The following MANBA variants were observed in gnomAD, a reference collection of about 807,000 sequenced individuals.
MANBA encodes the protein beta-mannosidase.
A neutral mutation model predicts 111.1 loss-of-function variants in MANBA; 83 were observed. The ratio of observed to expected loss-of-function variants is 0.75; its 90% CI spans 0.63 to 0.90. MANBA has a LOEUF of 0.90. MANBA is among the 40% of genes least tolerant of loss of function. The pLI is 0.00. For missense variants in MANBA, 1,036 were observed against 1,069.0 expected (o/e 0.97, Z 0.43); for synonymous variants, 370 against 378.7 (o/e 0.98, Z 0.27).
intron 1 of MANBA, chr4:102,729,747 C>T (rs1387638676): frequency 1.5e-5 from 20 of 1,329,800 alleles, no homozygotes; most frequent in Middle Eastern, 2.1e-4. Context: ...GTTGATGTAG[C>T]TCTGGAACAT....
rs973727586 is a variant in MANBA, at chr4:102,630,800, A to G, written c.*1257T>C. On this transcript the variant is annotated 3_prime_UTR_variant, in exon 17 of 17. Transcript: ENST00000647097. ...ATTTATTCTTCAAAACAAACTTACA[A>G]GGTGGGTGTTACCACTCCCATTTAG... is the stretch of plus-strand genomic sequence containing the variant. 6.6e-6 allele frequency: 1 copy of G among 152,200 alleles called. No individual in the cohort carries two copies. The highest frequency in any genetic ancestry group is 1.5e-5 in the Non-Finnish European group (1 of 68,030). The allele number at this position is 152,200 out of a possible 1,614,324, so 9.4% of individuals were successfully genotyped here. A position where few individuals can be genotyped will look rare whatever the true frequency, so the allele number is the denominator to read the frequency against.
At position 102,673,941 on chromosome 4, in the gene MANBA, G is replaced by A; in HGVS notation, c.1090C>T (p.Gln364Ter). 6.2e-7 allele frequency: 1 copy of A among 1,611,378 alleles called. No individual in the cohort carries two copies. The highest frequency in any genetic ancestry group is 8.5e-7 in the Non-Finnish European group (1 of 1,177,572). ...TACAACTCAGAGGTTACTCGGTCCTGGAATGAATCTGCTGGGATCCAGTTT... is the reference window on the plus strand; with the variant it reads ...TACAACTCAGAGGTTACTCGGTCCTAGAATGAATCTGCTGGGATCCAGTTT... ...GSNWIPADSF[Q>*]DRVTSELLRL... The change falls in exon 8 of 17, where the codon CAG becomes TAG. Residue 364 changes from glutamine to a stop codon, truncating the protein, a stop_gained. Transcript: ENST00000647097. LOFTEE classifies it high-confidence loss of function.
At chr4:102,655,250 C>A (rs1730509979) in intron 12 of MANBA, among the ~76,000 whole-genome samples, 1 of 152,024 alleles carries the variant, frequency 6.6e-6, no homozygotes, top group Non-Finnish European at 1.5e-5. Flanking sequence ...ACAAACTGAT[C>A]AACAGATTCA....
rs769079323 is a variant in MANBA at position 102,726,685 on chromosome 4, T to C, written c.178-2A>G. 1.4e-6 allele frequency: 2 copies of C among 1,426,362 alleles called. No homozygotes were observed. Among genetic ancestry groups the C allele is most frequent in the Non-Finnish European group, 2.0e-6 (2 of 1,009,906 alleles). The allele number at this position is 1,426,362 out of a possible 1,614,324, so 88.4% of individuals were successfully genotyped here. A position where few individuals can be genotyped will look rare whatever the true frequency, so the allele number is the denominator to read the frequency against. The stretch of plus-strand genomic sequence containing the variant: ...GTCATTAAATCTGTAGTAAGAATCC[T>C]GTTGATACAAGGTAAAAATTATGGT... On this transcript the variant is annotated splice_acceptor_variant, in intron 1 of 16. Transcript: ENST00000647097. LOFTEE classifies it high-confidence loss of function.
chr4:102,728,601 TG>T (rs999611819), intron 1 of MANBA: 21 of 463,406 alleles, frequency 4.5e-5, no homozygotes, highest in African/African-American at 3.8e-4. Context: ...GGCATAGGCA[TG>T]GGGGGTCCCC....
intron 5 of MANBA, among the ~76,000 whole-genome samples, chr4:102,696,364 G>T (rs1013321682): frequency 6.6e-6 from 1 of 152,042 alleles, no homozygotes; most frequent in Non-Finnish European, 1.5e-5. Flanking sequence ...AGCTGAAAAG[G>T]CACTAAAATA....
Position 102,756,991 on chromosome 4 carries a change from A to G in MANBA, c.177+3727T>C, listed in dbSNP as rs372865842. ...AAATAGGAACTATAGTCTCACTCTC[A>G]ATTTCTTTTTTTATTCCTAATGCCT... On this transcript the variant is annotated intron_variant, in intron 1 of 16. Coordinates refer to ENST00000647097, the MANE Select transcript of MANBA (RefSeq NM_005908.4). 2.6e-5 allele frequency among the ~76,000 whole-genome samples: 4 copies of G among 152,230 alleles called. No homozygotes were observed. In the East Asian group the frequency reaches 5.8e-4, roughly 22 times the overall value.
At chr4:102,640,924 C>A (rs2110194644) in intron 13 of MANBA, among the ~76,000 whole-genome samples, 1 of 152,220 alleles carries the variant, frequency 6.6e-6, no homozygotes, top group Middle Eastern at 3.4e-3. Flanking sequence ...TTAATAAGAA[C>A]CTGCAGGATA....
chr4:102,742,998 C>T (rs998340587), intron 1 of MANBA, among the ~76,000 whole-genome samples: 1 of 152,196 alleles, frequency 6.6e-6, no homozygotes, highest in African/African-American at 2.4e-5. Flanking sequence ...CCATCCCTGC[C>T]ACCATGGCCA....
chr4:102,760,563 C>T (rs1023857702), intron 1 of MANBA, among the ~76,000 whole-genome samples, 155 bp downstream of exon 1: 1 of 152,222 alleles, frequency 6.6e-6, no homozygotes, highest in African/African-American at 2.4e-5. Context: ...ATAGCTTGGG[C>T]ATTTCCCCCC....
intron 1 of MANBA, chr4:102,728,956 C>G: frequency 1.3e-6 from 1 of 786,168 alleles, no homozygotes; most frequent in Non-Finnish European, 2.3e-6. Context: ...TCATGTTCTG[C>G]ATCCCAGAGT....
chr4:102,671,287 T>A lies in MANBA; in HGVS notation c.1224A>T (p.Gly408=). ...DEFYELCDEL[G]IMVWQDFMFA... is the part of the protein sequence containing the mutation. ...AATGCTATCAACTTCTCACCATTAT[T>A]CCTAGTTCATCACAGAGTTCATAGA... is the stretch of plus-strand genomic sequence containing the variant. Residue 408 remains glycine (G), a synonymous_variant, in exon 9 of 17, where the codon GGA becomes GGT. Transcript: ENST00000647097. The A allele has an allele frequency of 6.5e-7, 1 of 1,550,088 alleles. No homozygotes were observed. The highest frequency in any genetic ancestry group is 8.9e-7 in the Non-Finnish European group (1 of 1,121,840).
At chr4:102,756,797 TAAAAAAAAAAAAA>T (rs35787338) in intron 1 of MANBA, among the ~76,000 whole-genome samples, 1 of 72,006 alleles carries the variant, frequency 1.4e-5, no homozygotes, top group African/African-American at 5.5e-5. Context: ...AGAGACTATC[TAAAAAAAAAAAAA>T]AAAAAAAAAA....
rs747803688 is a variant in MANBA, at chr4:102,723,963, A to G, written c.277T>C (p.Trp93Arg). ...EFKIPFEISK[W>R]QKVNLILEGV... ...TCAAGAATCAAATTTACTTTTTGCCATTTGCTAAAAAAAAGAAAAGATTTT... is the reference window on the plus strand; with the variant it reads ...TCAAGAATCAAATTTACTTTTTGCCGTTTGCTAAAAAAAAGAAAAGATTTT... The change falls in exon 3 of 17, where the codon TGG (tryptophan) becomes CGG (arginine). Residue 93 changes from tryptophan to arginine, a missense_variant. Transcript: ENST00000647097. The G allele has an allele frequency of 4.4e-6, 7 of 1,588,614 alleles. No individual in the cohort carries two copies. Among genetic ancestry groups the G allele is most frequent in the Non-Finnish European group, 6.0e-6 (7 of 1,158,476 alleles).
intron 4 of MANBA, 126 bp downstream of exon 4, chr4:102,722,745 C>A: frequency 1.1e-6 from 1 of 938,964 alleles, no homozygotes; most frequent in Middle Eastern, 2.4e-4. Flanking sequence ...TTTTCAAACC[C>A]CACTAAGGGA....
At position 102,722,994 on chromosome 4, in the gene MANBA, C is replaced by A. The variant is rs1349574616; in HGVS notation, c.426G>T (p.Leu142=). 9.3e-6 allele frequency: 15 copies of A among 1,614,056 alleles called. No individual in the cohort carries two copies. Among genetic ancestry groups the A allele is most frequent in the Non-Finnish European group, 1.3e-5 (15 of 1,180,028 alleles). Residue 142 remains leucine, a synonymous_variant, in exon 4 of 17, where the codon CTG becomes CTT. Coordinates refer to ENST00000647097, the MANE Select transcript of MANBA (RefSeq NM_005908.4). ...NVVRDVNSIE[L]RFQSAVLYAA... is the part of the protein sequence containing the mutation. ...CATACAACACCGCTGACTGGAAACG[C>A]AGCTCAATGGAGTTCACGTCCCTGA...
intron 4 of MANBA, among the ~76,000 whole-genome samples, chr4:102,719,537 A>C (rs1295691063): frequency 6.6e-6 from 1 of 152,158 alleles, no homozygotes; most frequent in Non-Finnish European, 1.5e-5. Context: ...TAACAGGATT[A>C]AGAGATTAAA....
chr4:102,694,286 A>G (rs1188468904), intron 5 of MANBA, among the ~76,000 whole-genome samples: 2 of 152,128 alleles, frequency 1.3e-5, no homozygotes, highest in African/African-American at 4.8e-5. Context: ...ACTTAATAAC[A>G]TATTTTTCCC....
intron 16 of MANBA, 135 bp downstream of exon 16, chr4:102,634,653 A>G: frequency 8.2e-7 from 1 of 1,222,918 alleles, no homozygotes; most frequent in South Asian, 1.2e-5. Context: ...GAAGAGGCCA[A>G]TCTTCCCCCA....
Sources: gnomAD v4.1 joint callset for allele counts (sites outside exome capture counted in the v4.1 genomes callset) on GRCh38, gnomAD v4.1.1 for gene constraint, MANE v1.5 for transcripts, NCBI Gene and HGNC (gene_info 2026-07-23, HGNC 2026-07-21) for gene names.